Variants in MTPN observed in about 807,000 individuals in gnomAD.
MTPN encodes the protein myotrophin.
A neutral mutation model predicts 13.5 loss-of-function variants in MTPN; 2 were observed. The observed-to-expected ratio is 0.15, with a 90% CI of 0.06 to 0.47. MTPN has a LOEUF of 0.47. Among genes scored for constraint, MTPN ranks in the 20% least tolerant of loss-of-function variants. MTPN has a pLI of 0.97. For synonymous variants in MTPN, 46 were observed against 51.7 expected (o/e 0.89, Z 0.48); for missense variants, 79 against 137.9 (o/e 0.57, Z 2.14).
At chr7:135,966,891 T>G (rs1799615536) in intron 1 of MTPN, among the ~76,000 whole-genome samples, 1 of 152,132 alleles carries the variant, frequency 6.6e-6, no homozygotes, top group Non-Finnish European at 1.5e-5. Flanking sequence ...AGGAAGAAGC[T>G]TCAAGTGCTA....
intron 1 of MTPN, among the ~76,000 whole-genome samples, chr7:135,974,529 A>G (rs910840140): frequency 6.6e-6 from 1 of 152,178 alleles, no homozygotes; most frequent in African/African-American, 2.4e-5. Context: ...AAAACAAAAA[A>G]ACCCTGTTTC....
intron 1 of MTPN, among the ~76,000 whole-genome samples, chr7:135,963,924 A>C (rs1281422656): frequency 2.0e-5 from 3 of 152,032 alleles, no homozygotes; most frequent in Admixed American, 6.6e-5. Flanking sequence ...TACACTTAGA[A>C]ATTTTCTAAT....
At chr7:135,938,861 T>G (rs1799157047) in intron 3 of MTPN, among the ~76,000 whole-genome samples, 1 of 152,224 alleles carries the variant, frequency 6.6e-6, no homozygotes, top group Admixed American at 6.5e-5. Context: ...GAGGGTTGGA[T>G]GCTGGTAAGG....
chr7:135,964,091 C>CT (rs1799569611), intron 1 of MTPN, among the ~76,000 whole-genome samples: 1 of 151,894 alleles, frequency 6.6e-6, no homozygotes, highest in Non-Finnish European at 1.5e-5. Flanking sequence ...GGAAAAAAGA[C>CT]TAACAATCAA....
chr7:135,964,544 TCTA>T (rs1799576058), intron 1 of MTPN, among the ~76,000 whole-genome samples: 1 of 152,116 alleles, frequency 6.6e-6, no homozygotes, highest in Admixed American at 6.6e-5. Flanking sequence ...TTTCGCAGAA[TCTA>T]CTTTCAGTTT....
chr7:135,939,543 T>C (rs896803188), intron 3 of MTPN, among the ~76,000 whole-genome samples: 1 of 116,658 alleles, frequency 8.6e-6, no homozygotes, highest in Non-Finnish European at 1.7e-5. Flanking sequence ...TCAGTAGTTA[T>C]CTTGTGACCA....
At chr7:135,976,950 G>T in intron 1 of MTPN, 79 bp downstream of exon 1, 1 of 510,314 alleles carries the variant, frequency 2.0e-6, no homozygotes, top group Non-Finnish European at 3.9e-6. Context: ...CATCCCCGCA[G>T]TCCAGCTCCC....
chr7:135,953,984 TATA>T (rs1318764757), intron 1 of MTPN, among the ~76,000 whole-genome samples: 14 of 148,514 alleles, frequency 9.4e-5, no homozygotes, highest in African/African-American at 3.1e-4. Context: ...AATGTATATA[TATA>T]ATGTCTATAT....
chr7:135,931,016 C>T (rs1352174044), intron 3 of MTPN, among the ~76,000 whole-genome samples: 1 of 152,070 alleles, frequency 6.6e-6, no homozygotes, highest in Non-Finnish European at 1.5e-5. Flanking sequence ...CTTTACCAGT[C>T]TCTTCTCCAG....
chr7:135,957,404 C>A (rs1799458031), intron 1 of MTPN, among the ~76,000 whole-genome samples: 1 of 151,804 alleles, frequency 6.6e-6, no homozygotes, highest in African/African-American at 2.4e-5. Flanking sequence ...CAAATGGAAC[C>A]CAAGAAAGGT....
intron 3 of MTPN, among the ~76,000 whole-genome samples, chr7:135,938,429 C>T (rs1449139892): frequency 1.3e-5 from 2 of 152,176 alleles, no homozygotes; most frequent in Non-Finnish European, 2.9e-5. Flanking sequence ...ACTAAGACTG[C>T]AGTTGAGGAT....
At chr7:135,948,879 G>A (rs527327387) in intron 3 of MTPN, among the ~76,000 whole-genome samples, 87 of 152,188 alleles carry the variant, frequency 5.7e-4, no homozygotes, top group Admixed American at 1.6e-3. Flanking sequence ...ATCCCATGGA[G>A]GTTTTTATTT....
chr7:135,957,604 T>C (rs1180173224), intron 1 of MTPN, among the ~76,000 whole-genome samples: 1 of 152,208 alleles, frequency 6.6e-6, no homozygotes, highest in Non-Finnish European at 1.5e-5. Flanking sequence ...TATTCCAATG[T>C]CAAAGCATAG....
rs921895601 is a variant in MTPN, at chr7:135,977,318, G to C, written c.-218C>G. On this transcript the variant is annotated 5_prime_UTR_variant, in exon 1 of 4. Coordinates refer to ENST00000393085, the MANE Select transcript of MTPN (RefSeq NM_145808.4). The stretch of plus-strand genomic sequence containing the variant: ...TTTTGCGGCCACCGGGCCCAGCAGA[G>C]AGGTTCCGCCTGGCCGAGGAGAGGC... The C allele has an allele frequency of 2.0e-5, 12 of 592,188 alleles. No homozygotes were observed. The highest frequency in any genetic ancestry group is 9.1e-6 in the Non-Finnish European group (3 of 331,436). 36.7% of individuals were successfully genotyped at this position (592,188 alleles called of 1,614,324 possible).
intron 1 of MTPN, among the ~76,000 whole-genome samples, chr7:135,969,293 T>C (rs1799657341): frequency 6.7e-6 from 1 of 149,820 alleles, no homozygotes; most frequent in Non-Finnish European, 1.5e-5. Context: ...GAAAAAATAT[T>C]AAACAAAATA....
At chr7:135,949,278 G>T (rs1335180451) in intron 3 of MTPN, among the ~76,000 whole-genome samples, 1 of 152,058 alleles carries the variant, frequency 6.6e-6, no homozygotes, top group Admixed American at 6.6e-5. Flanking sequence ...TATTTCCCAG[G>T]GATGAAATTA....
chr7:135,972,223 ACGCGCGCG>A (rs71531882), intron 1 of MTPN, among the ~76,000 whole-genome samples: 59 of 131,874 alleles, frequency 4.5e-4, no homozygotes, highest in Middle Eastern at 4.0e-3. Context: ...GCACACGCGC[ACGCGCGCG>A]CACACACACA....
At chr7:135,973,110 G>C (rs1425319913) in intron 1 of MTPN, among the ~76,000 whole-genome samples, 1 of 150,502 alleles carries the variant, frequency 6.6e-6, no homozygotes, top group African/African-American at 2.4e-5. Context: ...AATATTTTAA[G>C]GGCAGTGCAG....
At position 135,927,757 on chromosome 7, in the gene MTPN, G is replaced by A. The variant is rs1008259244; in HGVS notation, c.*2169C>T. 4 of 470,556 alleles carry A rather than the reference G, an allele frequency of 8.5e-6. No individual in the cohort carries two copies. The highest frequency in any genetic ancestry group is 1.7e-5 in the Non-Finnish European group (4 of 231,032). The allele number at this position is 470,556 out of a possible 1,614,324, so 29.1% of individuals were successfully genotyped here. A position where few individuals can be genotyped will look rare whatever the true frequency, so the allele number is the denominator to read the frequency against. On this transcript the variant is annotated 3_prime_UTR_variant, in exon 4 of 4. Coordinates refer to ENST00000393085, the MANE Select transcript of MTPN (RefSeq NM_145808.4). ...TAATTATAGGGTTTACAAAAAGGTC[G>A]AGAAAGAAAAGCGAAGGCGAAATAG...
Sources: allele counts gnomAD v4.1 joint callset (sites outside exome capture counted in the v4.1 genomes callset), GRCh38; gene constraint gnomAD v4.1.1; transcripts MANE v1.5; gene names NCBI Gene and HGNC (gene_info 2026-07-23, HGNC 2026-07-21).